RASAL2: variants seen among roughly 807,000 people sequenced by gnomAD.
RASAL2 encodes ras GTPase-activating protein nGAP.
A neutral mutation model predicts 128.9 loss-of-function variants in RASAL2; 58 were observed. The ratio of observed to expected loss-of-function variants is 0.45; its 90% CI spans 0.36 to 0.56. RASAL2 has a LOEUF of 0.56. Among genes scored for constraint, RASAL2 ranks in the 20% least tolerant of loss-of-function variants. The pLI is 0.00. For synonymous variants in RASAL2, 561 were observed against 580.8 expected (o/e 0.97, Z 0.49); for missense variants, 1,360 against 1,601.6 (o/e 0.85, Z 2.57).
chr1:178,168,864 G>A (rs571685975), intron 1 of RASAL2, among the ~76,000 whole-genome samples: 2 of 152,148 alleles, frequency 1.3e-5, no homozygotes, highest in East Asian at 3.9e-4. Context: ...ATACACCAAA[G>A]TCTAATTTTA....
chr1:178,263,585 T>C (rs1379044566), intron 1 of RASAL2, among the ~76,000 whole-genome samples: 1 of 152,206 alleles, frequency 6.6e-6, no homozygotes, highest in Non-Finnish European at 1.5e-5. Flanking sequence ...CAGAAATTGC[T>C]CTCAACTCTT....
At chr1:178,348,155 A>G (rs971787889) in intron 3 of RASAL2, among the ~76,000 whole-genome samples, 1 of 152,224 alleles carries the variant, frequency 6.6e-6, no homozygotes, top group Non-Finnish European at 1.5e-5. Flanking sequence ...AAGGATACAT[A>G]AGAGAGGCCT....
intron 8 of RASAL2, among the ~76,000 whole-genome samples, chr1:178,444,905 G>T (rs1676893938): frequency 6.6e-6 from 1 of 152,076 alleles, no homozygotes; most frequent in Non-Finnish European, 1.5e-5. Flanking sequence ...TATTAATCAA[G>T]TAATTACAGA....
chr1:178,464,179 TGAGA>T (rs1647405918), intron 14 of RASAL2, 95 bp from the exon 15 acceptor site: 19 of 1,377,502 alleles, frequency 1.4e-5, no homozygotes, highest in Non-Finnish European at 1.8e-5. Flanking sequence ...ATTAGAAAAC[TGAGA>T]GATCACAGTT....
intron 1 of RASAL2, among the ~76,000 whole-genome samples, chr1:178,178,030 A>T (rs1661953420): frequency 6.6e-6 from 1 of 152,132 alleles, no homozygotes; most frequent in South Asian, 2.1e-4. Context: ...TTTCGTATTG[A>T]GTGTTGCTTA....
intron 1 of RASAL2, among the ~76,000 whole-genome samples, chr1:178,113,292 T>C (rs1337460005): frequency 1.3e-5 from 2 of 152,102 alleles, no homozygotes; most frequent in Admixed American, 6.5e-5. Flanking sequence ...TTTTTTTTTT[T>C]CAAAGTTACT....
At position 178,458,419 on chromosome 1, in the gene RASAL2, G is replaced by A. The variant is rs1267655195; in HGVS notation, c.3127G>A (p.Val1043Met). ...TTTACGTAGCACCGGGAGCATGTCA[G>A]TGGTGTCCGCAGCCCTGGTGGCCGA... ...ASLRSTGSMSVVSAALVAEPV... is the reference protein window; with the variant it reads ...ASLRSTGSMSMVSAALVAEPV... Residue 1043 changes from valine (V) to methionine (M), a missense_variant, in exon 14 of 18, where the codon GTG (valine) becomes ATG (methionine). Physicochemically the swap from Val to Met is conservative, Grantham distance 21 (BLOSUM62 1). Transcript: ENST00000367649. 1 of 1,614,240 alleles carries A rather than the reference G, an allele frequency of 6.2e-7. No individual in the cohort carries two copies. Among genetic ancestry groups the A allele is most frequent in the Non-Finnish European group, 8.5e-7 (1 of 1,180,046 alleles).
chr1:178,302,874 G>A (rs983180612), intron 3 of RASAL2, among the ~76,000 whole-genome samples: 18 of 151,864 alleles, frequency 1.2e-4, no homozygotes, highest in Non-Finnish European at 4.4e-5. Context: ...ACCCTGTCTC[G>A]AGTGTGGTGG....
intron 2 of RASAL2, among the ~76,000 whole-genome samples, chr1:178,297,254 A>C (rs1667557412): frequency 6.6e-6 from 1 of 152,052 alleles, no homozygotes; most frequent in African/African-American, 2.4e-5. Context: ...AATTACTTGA[A>C]ATAGGATCTA....
intron 1 of RASAL2, among the ~76,000 whole-genome samples, chr1:178,223,677 T>A (rs546214136): frequency 6.6e-6 from 1 of 152,240 alleles, no homozygotes; most frequent in South Asian, 2.1e-4. Flanking sequence ...AGGAAAAATG[T>A]TTTTTGGTGG....
intron 1 of RASAL2, among the ~76,000 whole-genome samples, chr1:178,134,432 T>G (rs889405245): frequency 1.5e-5 from 2 of 135,660 alleles, no homozygotes; most frequent in Non-Finnish European, 3.1e-5. Context: ...CACCCCAGCC[T>G]AGGTGGCAAA....
chr1:178,228,195 T>C (rs983450338), intron 1 of RASAL2, among the ~76,000 whole-genome samples: 4 of 152,204 alleles, frequency 2.6e-5, no homozygotes, highest in African/African-American at 9.6e-5. Flanking sequence ...CAGTCCATGG[T>C]TCTTTCTGCC....
chr1:178,415,914 T>C (rs1238100116), intron 4 of RASAL2, among the ~76,000 whole-genome samples: 1 of 152,124 alleles, frequency 6.6e-6, no homozygotes, highest in Admixed American at 6.5e-5. Flanking sequence ...TAGTATATTG[T>C]TTCCATCCAT....
At chr1:178,254,025 A>G (rs1320979278) in intron 1 of RASAL2, among the ~76,000 whole-genome samples, 1 of 152,180 alleles carries the variant, frequency 6.6e-6, no homozygotes, top group Non-Finnish European at 1.5e-5. Flanking sequence ...CTTAAAATTT[A>G]TAACACACTC....
chr1:178,190,399 T>G (rs1203647877), intron 1 of RASAL2, among the ~76,000 whole-genome samples: 1 of 152,146 alleles, frequency 6.6e-6, no homozygotes, highest in Non-Finnish European at 1.5e-5. Flanking sequence ...CAGAGTGGTA[T>G]CTAAAATATT....
chr1:178,407,597 A>G (rs1674077332), intron 4 of RASAL2, among the ~76,000 whole-genome samples: 1 of 152,174 alleles, frequency 6.6e-6, no homozygotes, highest in Non-Finnish European at 1.5e-5. Flanking sequence ...GAATCAGGTA[A>G]CATTTTGAGA....
chr1:178,378,643 A>T (rs1467056130), intron 3 of RASAL2, among the ~76,000 whole-genome samples: 1 of 152,136 alleles, frequency 6.6e-6, no homozygotes, highest in Non-Finnish European at 1.5e-5. Flanking sequence ...TACTGTAAAA[A>T]CCTTTATTTT....
intron 3 of RASAL2, among the ~76,000 whole-genome samples, chr1:178,319,154 G>T (rs986779564): frequency 1.3e-4 from 20 of 152,234 alleles, no homozygotes; most frequent in Middle Eastern, 6.8e-3. Context: ...GATTTCTGCC[G>T]AGAGATCCGC....
intron 4 of RASAL2, among the ~76,000 whole-genome samples, chr1:178,419,988 A>C (rs1675035746): frequency 6.6e-6 from 1 of 152,104 alleles, no homozygotes; most frequent in Non-Finnish European, 1.5e-5. Flanking sequence ...AACTTAGTTA[A>C]CTCCTTTTTA....
Sources: gnomAD v4.1 joint callset for allele counts (sites outside exome capture counted in the v4.1 genomes callset) on GRCh38, gnomAD v4.1.1 for gene constraint, MANE v1.5 for transcripts, NCBI Gene and HGNC (gene_info 2026-07-23, HGNC 2026-07-21) for gene names.